LCOR: variants seen among roughly 807,000 people sequenced by gnomAD.
LCOR encodes the protein ligand-dependent corepressor.
A neutral mutation model predicts 64.4 loss-of-function variants in LCOR; 14 were observed. The observed-to-expected ratio is 0.22, with a 90% CI of 0.14 to 0.34. The LOEUF (loss-of-function observed/expected upper bound fraction) is 0.34. Ranked by LOEUF, LCOR falls within the 10% of genes least tolerant of loss-of-function variation. LCOR has a pLI of 1.00. For synonymous variants in LCOR, 643 were observed against 642.5 expected, an observed-to-expected ratio of 1.00 and a Z score of -0.01; for missense variants, 1,686 against 1,765.3, an observed-to-expected ratio of 0.96 and a Z score of 0.80.
Position 96,991,117 on chromosome 10 carries a change from C to T in LCOR, c.*5983C>T, listed in dbSNP as rs1358936381. 6.7e-6 allele frequency: 1 copy of T among 150,292 alleles called. No individual in the cohort carries two copies. Among genetic ancestry groups the T allele is most frequent in the Non-Finnish European group, 1.5e-5 (1 of 67,856 alleles). The allele number at this position is 150,292 out of a possible 1,614,324, so 9.3% of individuals were successfully genotyped here. ...CTTTTGTGGAAAAGCTCTACTGATC[C>T]TTATAGTAGTCATTAAAGATCAAAT... On this transcript the variant is annotated 3_prime_UTR_variant, in exon 8 of 8. Coordinates refer to ENST00000421806, the MANE Select transcript of LCOR (RefSeq NM_001346516.2).
intron 2 of LCOR, among the ~76,000 whole-genome samples, chr10:96,834,490 TAAG>T (rs1166704739): frequency 6.6e-6 from 1 of 152,230 alleles, no homozygotes; most frequent in Admixed American, 6.5e-5. Flanking sequence ...TACGTCGGTT[TAAG>T]TACTTTTTGA....
At chr10:96,941,156 C>T (rs1847458801) in intron 4 of LCOR, among the ~76,000 whole-genome samples, 4 of 141,646 alleles carry the variant, frequency 2.8e-5, no homozygotes, top group Non-Finnish European at 4.7e-5. Flanking sequence ...GCGCCCCTCA[C>T]CTCCCGGACA....
At chr10:96,887,152 T>G (rs946891648) in intron 2 of LCOR, among the ~76,000 whole-genome samples, 1 of 152,200 alleles carries the variant, frequency 6.6e-6, no homozygotes, top group Non-Finnish European at 1.5e-5. Flanking sequence ...GTAAAATTGC[T>G]CTGGTCCACA....
At chr10:96,958,572 A>G in intron 7 of LCOR, 2 of 636,590 alleles carry the variant, frequency 3.1e-6, no homozygotes, top group Non-Finnish European at 5.6e-6. Flanking sequence ...GAATTTAAAA[A>G]ACAAACCAAA....
intron 7 of LCOR, among the ~76,000 whole-genome samples, chr10:96,971,873 G>T (rs528385109): frequency 3.2e-4 from 48 of 152,202 alleles, no homozygotes; most frequent in African/African-American, 1.1e-3. Context: ...CTAAATAACA[G>T]GCCTTATAAC....
In LCOR at chr10:96,986,722, T is replaced by C. The variant is rs904921637; in HGVS notation, c.*1588T>C. On this transcript the variant is annotated 3_prime_UTR_variant, in exon 8 of 8. Coordinates refer to ENST00000421806, the MANE Select transcript of LCOR (RefSeq NM_001346516.2). ...GGCCGCTCTACAAAAAAAGGCTTGGTTGTTGAAGCCTCAGTCAGCTTCCTT... is the reference window on the plus strand; with the variant it reads ...GGCCGCTCTACAAAAAAAGGCTTGGCTGTTGAAGCCTCAGTCAGCTTCCTT... 3.9e-5 allele frequency: 6 copies of C among 152,262 alleles called. No homozygotes were observed. Among genetic ancestry groups the C allele is most frequent in the African/African-American group, 1.4e-4 (6 of 41,466 alleles). The allele number at this position is 152,262 out of a possible 1,614,324, so 9.4% of individuals were successfully genotyped here. A position where few individuals can be genotyped will look rare whatever the true frequency, so the allele number is the denominator to read the frequency against.
intron 2 of LCOR, among the ~76,000 whole-genome samples, chr10:96,838,130 G>C (rs1845478339): frequency 6.6e-6 from 1 of 151,936 alleles, no homozygotes; most frequent in Non-Finnish European, 1.5e-5. Context: ...GACCATTCTT[G>C]TATTCAGCAA....
intron 2 of LCOR, among the ~76,000 whole-genome samples, chr10:96,858,711 A>C (rs1182824588): frequency 6.6e-6 from 1 of 152,146 alleles, no homozygotes; most frequent in Non-Finnish European, 1.5e-5. Flanking sequence ...TTGGATACTT[A>C]GGGTTTTTTG....
intron 2 of LCOR, among the ~76,000 whole-genome samples, chr10:96,860,243 A>C (rs367652826): frequency 6.6e-6 from 1 of 152,148 alleles, no homozygotes; most frequent in African/African-American, 2.4e-5. Flanking sequence ...GTGCCTGTGA[A>C]TTTTAGCTTA....
chr10:96,967,478 A>G (rs192689999), intron 7 of LCOR, among the ~76,000 whole-genome samples: 1 of 152,284 alleles, frequency 6.6e-6, no homozygotes, highest in Non-Finnish European at 1.5e-5. Context: ...CACTAGAAAG[A>G]TCACTTATTT....
intron 2 of LCOR, among the ~76,000 whole-genome samples, chr10:96,869,794 C>A (rs982883312): frequency 6.6e-6 from 1 of 151,966 alleles, no homozygotes; most frequent in African/African-American, 2.4e-5. Context: ...AGGCTGGTTT[C>A]GAACTCCTGA....
chr10:96,945,880 C>T (rs1387211097), intron 5 of LCOR, among the ~76,000 whole-genome samples: 1 of 151,668 alleles, frequency 6.6e-6, no homozygotes, highest in Non-Finnish European at 1.5e-5. Flanking sequence ...AGTCCTAAGC[C>T]CTTTGTCATA....
At chr10:96,890,623 A>G (rs940462037) in intron 2 of LCOR, among the ~76,000 whole-genome samples, 11 of 152,156 alleles carry the variant, frequency 7.2e-5, no homozygotes, top group African/African-American at 2.7e-4. Context: ...AAGAGCAGAC[A>G]TCCTTGCCTT....
intron 4 of LCOR, among the ~76,000 whole-genome samples, chr10:96,927,336 A>C (rs184555689): frequency 6.6e-6 from 1 of 151,732 alleles, no homozygotes; most frequent in East Asian, 1.9e-4. Flanking sequence ...CCAATTTTAG[A>C]AAACATTATT....
chr10:96,840,660 G>A (rs917115757), intron 2 of LCOR, among the ~76,000 whole-genome samples: 4 of 152,268 alleles, frequency 2.6e-5, no homozygotes, highest in Admixed American at 1.3e-4. Context: ...TGGGATTACA[G>A]GCATGAGCCA....
chr10:96,976,989 C>A (rs1848045058), intron 7 of LCOR, among the ~76,000 whole-genome samples: 1 of 152,218 alleles, frequency 6.6e-6, no homozygotes, highest in Non-Finnish European at 1.5e-5. Flanking sequence ...TCTTCACTGA[C>A]CTTTGTCATC....
chr10:96,944,546 G>C (rs998766372), intron 5 of LCOR, among the ~76,000 whole-genome samples: 9 of 150,988 alleles, frequency 6.0e-5, no homozygotes, highest in African/African-American at 2.2e-4. Context: ...TTTTCTTATG[G>C]AGACAGTTAC....
At chr10:96,932,644 A>G (rs890454986) in intron 4 of LCOR, among the ~76,000 whole-genome samples, 2 of 151,888 alleles carry the variant, frequency 1.3e-5, no homozygotes, top group South Asian at 4.2e-4. Flanking sequence ...TTGTATTTTT[A>G]GTAGAGATGG....
chr10:96,952,076 C>G, intron 6 of LCOR, 27 bp from the exon 7 acceptor site: 1 of 1,543,078 alleles, frequency 6.5e-7, no homozygotes, highest in Non-Finnish European at 8.9e-7. Context: ...TTTTAATATC[C>G]TCAGGTGTTT....
Sources: gnomAD v4.1 joint callset for allele counts (sites outside exome capture counted in the v4.1 genomes callset) on GRCh38, gnomAD v4.1.1 for gene constraint, MANE v1.5 for transcripts, NCBI Gene and HGNC (gene_info 2026-07-23, HGNC 2026-07-21) for gene names.